EPHA5: variants seen among roughly 807,000 people sequenced by gnomAD.
EPHA5 encodes the protein ephrin type-A receptor 5.
Under a neutral mutation model 105.0 loss-of-function variants are expected in EPHA5, and 60 were observed. The ratio of observed to expected loss-of-function variants is 0.57; its 90% confidence interval spans 0.46 to 0.71. The LOEUF (loss-of-function observed/expected upper bound fraction) is 0.71. Ranked by LOEUF, EPHA5 falls within the 30% of genes least tolerant of loss-of-function variation. EPHA5 has a pLI of 0.00. For missense variants in EPHA5, 1,218 were observed against 1,274.7 expected, an observed-to-expected ratio of 0.96 and a Z score of 0.68; for synonymous variants, 513 against 449.1, an observed-to-expected ratio of 1.14 and a Z score of -1.80.
intron 3 of EPHA5, among the ~76,000 whole-genome samples, chr4:65,563,484 C>A (rs1324451248): frequency 1.3e-5 from 2 of 151,862 alleles, no homozygotes; most frequent in Non-Finnish European, 2.9e-5. Context: ...GAGCAGGTAA[C>A]AAGAAATTAC....
In EPHA5 at chr4:65,493,404, T is replaced by A. The variant is rs1408997894; in HGVS notation, c.1066+1984A>T. Among the ~76,000 whole-genome samples the A allele has an allele frequency of 7.3e-5, 11 of 151,204 alleles. No individual in the cohort carries two copies. In the South Asian group the frequency reaches 1.1e-3, roughly 15 times the overall value. ...AACTTTGTATATTCTAGAAAAAAAA[T>A]TTGAAGTTGGAGCTATAAATTCAAT... is the stretch of plus-strand genomic sequence containing the variant. On this transcript the variant is annotated intron_variant, in intron 4 of 16. Coordinates refer to ENST00000613740, the MANE Select transcript of EPHA5 (RefSeq NM_001281766.3).
At chr4:65,414,562 T>G in intron 6 of EPHA5, 119 bp from the exon 7 acceptor site, 2 of 1,093,128 alleles carry the variant, frequency 1.8e-6, no homozygotes, top group Non-Finnish European at 2.6e-6. Flanking sequence ...TTAGTACAAA[T>G]ATAACATTTT....
chr4:65,351,796 G>A (rs947720581), intron 12 of EPHA5, among the ~76,000 whole-genome samples, 198 bp from the exon 13 acceptor site: 1 of 151,952 alleles, frequency 6.6e-6, no homozygotes, highest in East Asian at 1.9e-4. Flanking sequence ...CTTGGTCAAA[G>A]CAGATAAAGG....
chr4:65,669,730 C>T lies in EPHA5; in HGVS notation c.13G>A (p.Gly5Arg). MRGS[G>R]PRGAGRRRPP... ...CGCCGGCGTCCCGCACCCCGGGGCC[C>T]CGAGCCCCGCATCTTCTCCGAGCCT... The change falls in exon 1 of 17, where the codon GGG becomes AGG. Residue 5 changes from glycine to arginine, a missense_variant. Transcript: ENST00000613740. 1 of 1,263,960 alleles carries T rather than the reference C, an allele frequency of 7.9e-7. No homozygotes were observed. Among genetic ancestry groups the T allele is most frequent in the African/African-American group, 1.5e-5 (1 of 64,808 alleles). The allele number at this position is 1,263,960 out of a possible 1,614,324, so 78.3% of individuals were successfully genotyped here. A position where few individuals can be genotyped will look rare whatever the true frequency, so the allele number is the denominator to read the frequency against.
At chr4:65,577,494 T>C (rs1020346343) in intron 3 of EPHA5, among the ~76,000 whole-genome samples, 1 of 152,134 alleles carries the variant, frequency 6.6e-6, no homozygotes, top group Admixed American at 6.5e-5. Context: ...TTGTTGAGGC[T>C]TATAAGTGAC....
chr4:65,381,189 C>T (rs1162763139), intron 8 of EPHA5, among the ~76,000 whole-genome samples: 1 of 151,556 alleles, frequency 6.6e-6, no homozygotes, highest in African/African-American at 2.4e-5. Context: ...ATACATAAGG[C>T]TGAGCATAGC....
chr4:65,521,765 C>A (rs1734748733), intron 3 of EPHA5, among the ~76,000 whole-genome samples: 1 of 151,940 alleles, frequency 6.6e-6, no homozygotes, highest in Non-Finnish European at 1.5e-5. Flanking sequence ...GAAGCAAAAG[C>A]AAGCCTTTCC....
chr4:65,640,286 T>TTC (rs1553959375), intron 2 of EPHA5, among the ~76,000 whole-genome samples: 10 of 137,114 alleles, frequency 7.3e-5, no homozygotes, highest in Admixed American at 2.9e-4. Flanking sequence ...TTTTTTCTTT[T>TTC]TTTTTTTTTT....
intron 14 of EPHA5, 55 bp downstream of exon 14, chr4:65,347,999 C>T: frequency 6.8e-7 from 1 of 1,470,842 alleles, no homozygotes; most frequent in East Asian, 2.4e-5. Flanking sequence ...TGTGTCTTGA[C>T]TCAGAGAACA....
chr4:65,608,696 G>C (rs1744474868), intron 2 of EPHA5, among the ~76,000 whole-genome samples: 1 of 152,068 alleles, frequency 6.6e-6, no homozygotes, highest in South Asian at 2.1e-4. Context: ...TGGAAGAAGA[G>C]TTTAAATATA....
At chr4:65,644,519 C>T (rs1392212335) in intron 1 of EPHA5, among the ~76,000 whole-genome samples, 4 of 151,988 alleles carry the variant, frequency 2.6e-5, no homozygotes, top group Non-Finnish European at 5.9e-5. Context: ...TCTTGAAATG[C>T]TACCATTTCT....
chr4:65,412,743 G>A (rs1723029944), intron 7 of EPHA5, among the ~76,000 whole-genome samples: 2 of 152,072 alleles, frequency 1.3e-5, no homozygotes, highest in South Asian at 4.1e-4. Context: ...AAATGATTAA[G>A]TATTAGTCCT....
chr4:65,426,982 C>A (rs1724499474), intron 5 of EPHA5, among the ~76,000 whole-genome samples: 1 of 151,886 alleles, frequency 6.6e-6, no homozygotes, highest in South Asian at 2.1e-4. Context: ...TCAAGGAAAT[C>A]TAGAGACTTC....
chr4:65,331,347 A>G, intron 16 of EPHA5: 1 of 1,038,358 alleles, frequency 9.6e-7, no homozygotes, highest in Non-Finnish European at 1.2e-6. Flanking sequence ...AGTGATTTTT[A>G]TTTAATAAGG....
chr4:65,576,939 T>A (rs572847753), intron 3 of EPHA5, among the ~76,000 whole-genome samples: 1 of 152,138 alleles, frequency 6.6e-6, no homozygotes, highest in Non-Finnish European at 1.5e-5. Context: ...TCAGTTTGAG[T>A]GACATTTTCT....
intron 2 of EPHA5, among the ~76,000 whole-genome samples, chr4:65,631,116 T>C (rs1421495457): frequency 1.3e-5 from 2 of 152,092 alleles, no homozygotes; most frequent in Admixed American, 6.6e-5. Flanking sequence ...CAAAGAGTGT[T>C]GTCATAGATT....
chr4:65,411,682 G>A (rs553316358), intron 7 of EPHA5, among the ~76,000 whole-genome samples: 23 of 152,172 alleles, frequency 1.5e-4, no homozygotes, highest in African/African-American at 5.5e-4. Context: ...TTAAAATATG[G>A]TATGAAGTAA....
intron 1 of EPHA5, among the ~76,000 whole-genome samples, chr4:65,652,458 C>G (rs1299473141): frequency 6.6e-6 from 1 of 152,010 alleles, no homozygotes; most frequent in Non-Finnish European, 1.5e-5. Context: ...TTATTTTGCC[C>G]ATTTTACAGA....
At chr4:65,552,773 T>C (rs1738046286) in intron 3 of EPHA5, among the ~76,000 whole-genome samples, 1 of 152,182 alleles carries the variant, frequency 6.6e-6, no homozygotes, top group Admixed American at 6.6e-5. Context: ...ATTATATTTC[T>C]AGGTGTGTTA....
Sources: gnomAD v4.1 joint callset for allele counts (sites outside exome capture counted in the v4.1 genomes callset) on GRCh38, gnomAD v4.1.1 for gene constraint, MANE v1.5 for transcripts, NCBI Gene and HGNC (gene_info 2026-07-23, HGNC 2026-07-21) for gene names.